Variants in MBTPS2 observed in about 807,000 individuals in gnomAD.
MBTPS2 encodes membrane bound transcription factor peptidase, site 2.
Under a neutral mutation model 35.4 loss-of-function variants are expected in MBTPS2, and 2 were observed. The ratio of observed to expected loss-of-function variants is 0.06; its 90% CI spans 0.02 to 0.18. The LOEUF is 0.18. MBTPS2 is among the 10% of genes least tolerant of loss of function. The pLI is 1.00. For synonymous variants in MBTPS2, 125 were observed against 140.4 expected, an observed-to-expected ratio of 0.89 and a Z score of 0.77; for missense variants, 244 against 386.5, an observed-to-expected ratio of 0.63 and a Z score of 3.09.
chrX:21,851,457 G>A, intron 3 of MBTPS2, 52 bp from the exon 4 acceptor site: 5 of 738,978 alleles, frequency 6.8e-6, no homozygotes, highest in Non-Finnish European at 1.1e-5. Context: ...GCCCAAGTGG[G>A]ACTCCCCTGC....
Position 21,849,952 on chromosome X carries a change from A to G in MBTPS2, c.439-1557A>G, listed in dbSNP as rs185386258. ...TGAAGCAGGAGAACGGCGTGAACCC[A>G]GGAGGCGGAGCTTGCAGTGAGCCGA... On this transcript the variant is annotated intron_variant, in intron 3 of 10. Transcript: ENST00000379484. Among the ~76,000 whole-genome samples the G allele has an allele frequency of 9.4e-3, 967 of 103,208 alleles. 30 individuals are homozygous for G. In the East Asian group the frequency reaches 0.1, roughly 11 times the overall value. 89.6% of individuals were successfully genotyped at this position (103,208 alleles called of 115,157 possible). A position where few individuals can be genotyped will look rare whatever the true frequency, so the allele number is the denominator to read the frequency against.
rs761463390 is a variant in MBTPS2, at chrX:21,883,657, C to G, written c.*1002C>G. 1 of 752,390 alleles carries G rather than the reference C, an allele frequency of 1.3e-6. No individual in the cohort carries two copies. The highest frequency in any genetic ancestry group is 2.3e-5 in the African/African-American group (1 of 43,263). The allele number at this position is 752,390 out of a possible 1,213,427, so 62.0% of individuals were successfully genotyped here. The stretch of plus-strand genomic sequence containing the variant: ...AGCCATACTCTGTCCTCACCAGCGG[C>G]TCCCATGTTTTTCTGTGTCAGGTTA... On this transcript the variant is annotated 3_prime_UTR_variant, in exon 11 of 11. Coordinates refer to ENST00000379484, the MANE Select transcript of MBTPS2 (RefSeq NM_015884.4).
rs746291611 is a variant in MBTPS2 at position 21,884,295 on chromosome X, T to G, written c.*1640T>G. 1 of 736,746 alleles carries G rather than the reference T, an allele frequency of 1.4e-6. No homozygotes were observed. The highest frequency in any genetic ancestry group is 1.5e-4 in the East Asian group (1 of 6,542). The allele number at this position is 736,746 out of a possible 1,213,427, so 60.7% of individuals were successfully genotyped here. A position where few individuals can be genotyped will look rare whatever the true frequency, so the allele number is the denominator to read the frequency against. ...GGTAGACAATCATTTGGGATCAGAG[T>G]ACATTAGCATAGTAATGCTCAGTCA... On this transcript the variant is annotated 3_prime_UTR_variant, in exon 11 of 11. Coordinates refer to ENST00000379484, the MANE Select transcript of MBTPS2 (RefSeq NM_015884.4).
Position 21,883,494 on chromosome X carries a change from C to T in MBTPS2, c.*839C>T. On this transcript the variant is annotated 3_prime_UTR_variant, in exon 11 of 11. Transcript: ENST00000379484. ...ACAAGACACCCCAGAGGATCTTCAG[C>T]AGTCCTACTTCCCATTCTCTATAGA... The T allele has an allele frequency of 2.7e-6, 2 of 753,986 alleles. No homozygotes were observed. Among genetic ancestry groups the T allele is most frequent in the Non-Finnish European group, 3.1e-6 (2 of 639,163 alleles). The allele number at this position is 753,986 out of a possible 1,213,427, so 62.1% of individuals were successfully genotyped here. A position where few individuals can be genotyped will look rare whatever the true frequency, so the allele number is the denominator to read the frequency against.
chrX:21,857,776 T>A, intron 5 of MBTPS2: 1 of 521,197 alleles, frequency 1.9e-6, no homozygotes, highest in Non-Finnish European at 3.0e-6. Context: ...TAAACGTTTT[T>A]AAAAAGGTAA....
chrX:21,841,357 G>C (rs2092902363), intron 1 of MBTPS2, among the ~76,000 whole-genome samples: 1 of 79,687 alleles, frequency 1.3e-5, no homozygotes, highest in African/African-American at 5.1e-5. Context: ...AGAGTCAGAG[G>C]TTAACAATGA....
chrX:21,858,798 AG>A (rs1280010093), intron 5 of MBTPS2: 1 of 105,065 alleles, frequency 9.5e-6, no homozygotes, highest in African/African-American at 3.6e-5. Flanking sequence ...CTGAGATGGG[AG>A]GATCACTGGA....
chrX:21,844,201 G>C (rs2147428623), intron 2 of MBTPS2, among the ~76,000 whole-genome samples: 1 of 109,324 alleles, frequency 9.1e-6, no homozygotes, highest in Non-Finnish European at 1.9e-5. Flanking sequence ...GAAGAAAAAA[G>C]AAACGTAAGT....
chrX:21,845,491 A>G lies in MBTPS2; in HGVS notation c.438+107A>G, dbSNP rs762823403. The G allele has an allele frequency of 2.8e-3, 2,181 of 779,506 alleles. 3 individuals carry two copies. Among genetic ancestry groups the G allele is most frequent in the Non-Finnish European group, 2.5e-3 (1,383 of 562,507 alleles). The allele number at this position is 779,506 out of a possible 1,213,427, so 64.2% of individuals were successfully genotyped here. On this transcript the variant is annotated intron_variant, in intron 3 of 10. Coordinates refer to ENST00000379484, the MANE Select transcript of MBTPS2 (RefSeq NM_015884.4). ...ATAATATAAATATGAAAATAAATTAAAAGTCTCATAATTTTCAAATTACCT... is the reference window on the plus strand; with the variant it reads ...ATAATATAAATATGAAAATAAATTAGAAGTCTCATAATTTTCAAATTACCT...
At chrX:21,864,803 C>T (rs746006009) in intron 5 of MBTPS2, among the ~76,000 whole-genome samples, 1 of 110,410 alleles carries the variant, frequency 9.1e-6, no homozygotes, top group South Asian at 3.8e-4. Context: ...AGCTGGATGA[C>T]AGAGTGAGAA....
At chrX:21,848,959 CAT>C (rs1014483466) in intron 3 of MBTPS2, among the ~76,000 whole-genome samples, 8 of 112,118 alleles carry the variant, frequency 7.1e-5, no homozygotes, top group Non-Finnish European at 1.3e-4. Flanking sequence ...ATGAGGAAGA[CAT>C]AGAGCGAATA....
At chrX:21,860,091 CAAAAAAA>C (rs536679485) in intron 5 of MBTPS2, among the ~76,000 whole-genome samples, 4 of 63,114 alleles carry the variant, frequency 6.3e-5, no homozygotes, top group Non-Finnish European at 9.2e-5. Context: ...GACCTTGTGT[CAAAAAAA>C]AAAAAAAAAA....
intron 5 of MBTPS2, chrX:21,857,644 G>GGACTGCGGT: frequency 1.7e-6 from 2 of 1,151,704 alleles, no homozygotes; most frequent in Non-Finnish European, 1.2e-6. Flanking sequence ...TTATCTTCCA[G>GGACTGCGGT]GACTGCGGTA....
intron 3 of MBTPS2, among the ~76,000 whole-genome samples, chrX:21,850,598 C>T (rs2092913777): frequency 9.0e-6 from 1 of 111,426 alleles, no homozygotes; most frequent in Non-Finnish European, 1.9e-5. Flanking sequence ...TATTCCTGAG[C>T]CTGGTGTGTC....
At chrX:21,860,646 C>G (rs969199104) in intron 5 of MBTPS2, among the ~76,000 whole-genome samples, 2 of 111,064 alleles carry the variant, frequency 1.8e-5, no homozygotes, top group African/African-American at 6.6e-5. Flanking sequence ...ACATGCCTGA[C>G]GAGATAAGAG....
At chrX:21,865,000 A>C (rs979920804) in intron 5 of MBTPS2, among the ~76,000 whole-genome samples, 7 of 103,595 alleles carry the variant, frequency 6.8e-5, no homozygotes, top group African/African-American at 2.1e-4. Context: ...CCCACTTCTC[A>C]GTCTCCCAAG....
chrX:21,869,613 A>G lies in MBTPS2; in HGVS notation c.905A>G (p.Tyr302Cys). 1 of 1,210,324 alleles carries G rather than the reference A, an allele frequency of 8.3e-7. No individual in the cohort carries two copies. The highest frequency in any genetic ancestry group is 1.1e-6 in the Non-Finnish European group (1 of 894,186). The change falls in exon 7 of 11, where the codon TAT (tyrosine) becomes TGT (cysteine). Residue 302 changes from tyrosine (Y) to cysteine (C), a missense_variant. Transcript: ENST00000379484. Reference sequence around the variant, plus strand: ...AATGAATGTTTAGATACCATCGCCTATGAGCCCCAAATTGGTTACTGTATA... The same window carrying G: ...AATGAATGTTTAGATACCATCGCCTGTGAGCCCCAAATTGGTTACTGTATA... ...DWNECLDTIA[Y>C]EPQIGYCISA...
intron 5 of MBTPS2, among the ~76,000 whole-genome samples, chrX:21,861,716 A>C (rs994246991): frequency 1.8e-5 from 2 of 110,010 alleles, no homozygotes; most frequent in African/African-American, 3.3e-5. Flanking sequence ...AACAAACAAA[A>C]AAAAACACGA....
chrX:21,881,940 A>G (rs2092959953), intron 10 of MBTPS2, among the ~76,000 whole-genome samples: 3 of 111,983 alleles, frequency 2.7e-5, no homozygotes, highest in South Asian at 7.5e-4. Context: ...CATCTCAACA[A>G]CAACAACAAA....
Sources: allele counts gnomAD v4.1 joint callset (sites outside exome capture counted in the v4.1 genomes callset), GRCh38; gene constraint gnomAD v4.1.1; transcripts MANE v1.5; gene names NCBI Gene and HGNC (gene_info 2026-07-23, HGNC 2026-07-21).